DGKB: variants seen among roughly 807,000 people sequenced by gnomAD.
The protein encoded by DGKB is 90 kDa diacylglycerol kinase.
DGKB carries 67 observed loss-of-function variants against 114.3 expected under a neutral mutation model. That is an observed-to-expected ratio of 0.59 (90% CI 0.48 to 0.72). The LOEUF (loss-of-function observed/expected upper bound fraction) is 0.72, where lower values mean the gene tolerates loss of function less well. Ranked by LOEUF, DGKB falls within the 30% of genes least tolerant of loss-of-function variation. The pLI, the probability that DGKB is intolerant of heterozygous loss-of-function variation, is 0.00. For missense variants in DGKB, 907 were observed against 975.2 expected (o/e 0.93, Z 0.93); for synonymous variants, 398 against 323.1 (o/e 1.23, Z -2.49).
intron 23 of DGKB, among the ~76,000 whole-genome samples, chr7:14,232,538 G>A (rs1281786835): frequency 6.6e-6 from 1 of 151,634 alleles, no homozygotes; most frequent in Non-Finnish European, 1.5e-5. Flanking sequence ...AGACCCTGGA[G>A]ACAAAAGCAA....
chr7:14,922,119 G>A (rs1029051842), intron 1 of DGKB, among the ~76,000 whole-genome samples: 1 of 149,886 alleles, frequency 6.7e-6, no homozygotes, highest in African/African-American at 2.4e-5. Flanking sequence ...GTAGAATTAT[G>A]TTCATAAATA....
intron 2 of DGKB, among the ~76,000 whole-genome samples, chr7:14,786,187 T>C (rs1235105286): frequency 2.0e-5 from 3 of 152,096 alleles, no homozygotes; most frequent in African/African-American, 7.2e-5. Flanking sequence ...AGATATTATA[T>C]TCTAGTATGT....
At chr7:14,425,616 T>C (rs1205548505) in intron 21 of DGKB, among the ~76,000 whole-genome samples, 2 of 152,254 alleles carry the variant, frequency 1.3e-5, no homozygotes, top group African/African-American at 4.8e-5. Flanking sequence ...AGACATAAAG[T>C]GACTGAAATA....
At chr7:14,950,226 C>T (rs955713368) in intron 1 of DGKB, among the ~76,000 whole-genome samples, 82 of 151,792 alleles carry the variant, frequency 5.4e-4, no homozygotes, top group Non-Finnish European at 2.2e-4. Flanking sequence ...TCATCTCTTA[C>T]AAGGAAACCC....
chr7:14,830,647 A>G (rs1456122328), intron 2 of DGKB, among the ~76,000 whole-genome samples: 1 of 152,058 alleles, frequency 6.6e-6, no homozygotes, highest in African/African-American at 2.4e-5. Context: ...GAAGTTTTTC[A>G]TCATTTGGCA....
chr7:14,788,890 C>G (rs1242047367), intron 2 of DGKB, among the ~76,000 whole-genome samples: 2 of 152,064 alleles, frequency 1.3e-5, no homozygotes, highest in East Asian at 1.9e-4. Flanking sequence ...TTTAAAAAAA[C>G]CGTATGCCCA....
intron 21 of DGKB, among the ~76,000 whole-genome samples, chr7:14,428,363 G>A (rs1009848886): frequency 2.6e-5 from 4 of 151,928 alleles, no homozygotes; most frequent in African/African-American, 9.7e-5. Context: ...AGTCTCTCCT[G>A]GTTTGGGTTT....
chr7:14,724,440 C>T lies in DGKB; in HGVS notation c.323-5755G>A, dbSNP rs993908953. 5.9e-5 allele frequency among the ~76,000 whole-genome samples: 9 copies of T among 152,084 alleles called. No homozygotes were observed. The East Asian group carries it at 1.7e-3, about 29-fold the overall frequency. ...AGAAATGTAATAGAGATGGTGATTCCTTATAAAGAGAAGACAGACTGTGAG... is the reference window on the plus strand; with the variant it reads ...AGAAATGTAATAGAGATGGTGATTCTTTATAAAGAGAAGACAGACTGTGAG... On this transcript the variant is annotated intron_variant, in intron 5 of 25. Transcript: ENST00000402815.
chr7:14,257,516 G>T (rs74827264), intron 23 of DGKB, among the ~76,000 whole-genome samples: 3,069 of 152,166 alleles, frequency 0.02, 99 homozygotes, highest in African/African-American at 0.07. Context: ...GAGGCACATG[G>T]TGGGAGGTAA....
intron 1 of DGKB, among the ~76,000 whole-genome samples, chr7:14,926,192 A>G (rs112691274): frequency 2.6e-5 from 4 of 152,040 alleles, no homozygotes; most frequent in African/African-American, 9.6e-5. Context: ...CATTTCATAC[A>G]TTTTTTTCAC....
intron 21 of DGKB, among the ~76,000 whole-genome samples, chr7:14,458,583 G>T (rs910780119): frequency 6.6e-6 from 1 of 152,138 alleles, no homozygotes; most frequent in African/African-American, 2.4e-5. Flanking sequence ...GCCTCACCCA[G>T]GAAGCACAAG....
chr7:14,320,669 C>T (rs995685319), intron 23 of DGKB, among the ~76,000 whole-genome samples: 3 of 151,814 alleles, frequency 2.0e-5, no homozygotes, highest in Non-Finnish European at 4.4e-5. Context: ...TACAGGGCTG[C>T]TTGCATTTCA....
chr7:14,252,753 C>T (rs981721573), intron 23 of DGKB, among the ~76,000 whole-genome samples: 1 of 152,130 alleles, frequency 6.6e-6, no homozygotes, highest in Non-Finnish European at 1.5e-5. Flanking sequence ...TACACAGGAG[C>T]AAGTCTGGGG....
chr7:14,484,857 G>C (rs1783533567), intron 20 of DGKB, among the ~76,000 whole-genome samples: 1 of 152,038 alleles, frequency 6.6e-6, no homozygotes, highest in African/African-American at 2.4e-5. Flanking sequence ...ATGATATAAT[G>C]TTATATACAG....
intron 23 of DGKB, among the ~76,000 whole-genome samples, chr7:14,267,188 A>T (rs1231837386): frequency 1.3e-5 from 2 of 152,202 alleles, no homozygotes; most frequent in African/African-American, 4.8e-5. Flanking sequence ...GACAAATGCC[A>T]ATTTCTGGGC....
chr7:14,384,770 T>G (rs1029688683), intron 21 of DGKB, among the ~76,000 whole-genome samples: 7 of 152,196 alleles, frequency 4.6e-5, no homozygotes, highest in African/African-American at 1.2e-4. Flanking sequence ...AGAGACCTTT[T>G]TAGTTGTCAC....
At chr7:14,417,477 T>A (rs1825885864) in intron 21 of DGKB, among the ~76,000 whole-genome samples, 1 of 152,036 alleles carries the variant, frequency 6.6e-6, no homozygotes, top group Admixed American at 6.6e-5. Context: ...AATATTAAAT[T>A]TGAGATATAC....
intron 6 of DGKB, among the ~76,000 whole-genome samples, chr7:14,706,024 T>G (rs1480413361): frequency 2.0e-5 from 3 of 150,778 alleles, no homozygotes; most frequent in Non-Finnish European, 4.4e-5. Flanking sequence ...GACTGGCAAA[T>G]TGGATAAAGA....
At chr7:14,227,507 G>C (rs150947639) in intron 23 of DGKB, among the ~76,000 whole-genome samples, 11 of 151,948 alleles carry the variant, frequency 7.2e-5, no homozygotes, top group African/African-American at 1.9e-4. Flanking sequence ...AATCTACCAG[G>C]CATACAAGTG....
Sources: allele counts gnomAD v4.1 joint callset (sites outside exome capture counted in the v4.1 genomes callset), GRCh38; gene constraint gnomAD v4.1.1; transcripts MANE v1.5; gene names NCBI Gene and HGNC (gene_info 2026-07-23, HGNC 2026-07-21).